The following CEP104 variants were observed in gnomAD, a reference collection of about 807,000 sequenced individuals.
CEP104 encodes centrosomal protein 104, also known as centrosomal protein of 104 kDa.
Under a neutral mutation model 113.3 loss-of-function variants are expected in CEP104, and 84 were observed. The observed-to-expected ratio is 0.74, with a 90% confidence interval of 0.62 to 0.89. CEP104 has a LOEUF of 0.89. CEP104 is among the 40% of genes least tolerant of loss of function. CEP104 has a pLI of 0.00. For missense variants in CEP104, 1,053 were observed against 1,156.6 expected (o/e 0.91, Z 1.30); for synonymous variants, 378 against 421.7 (o/e 0.90, Z 1.27).
intron 14 of CEP104, 39 bp downstream of exon 14, chr1:3,829,752 A>G (rs1644163277): frequency 6.3e-7 from 1 of 1,581,808 alleles, no homozygotes; most frequent in Non-Finnish European, 8.7e-7. Context: ...AACTTCTTCA[A>G]CACAGGATGA....
chr1:3,834,020 A>G lies in CEP104; in HGVS notation c.1501T>C (p.Leu501=), dbSNP rs1644264904. The part of the protein sequence containing the change: ...DIVTSVFQAS[L]KLLKMIITQY... ...GTAATGATCATTTTCAACAATTTCA[A>G]AGAAGCCTGAAAAACCTAAGAGAAA... is the stretch of plus-strand genomic sequence containing the variant. The change falls in exon 12 of 22, where the codon TTG becomes CTG. Residue 501 remains leucine (L), a synonymous_variant. Coordinates refer to ENST00000378230, the MANE Select transcript of CEP104 (RefSeq NM_014704.4). 6.2e-7 allele frequency: 1 copy of G among 1,613,410 alleles called. No homozygotes were observed. Among genetic ancestry groups the G allele is most frequent in the South Asian group, 1.1e-5 (1 of 91,070 alleles).
In CEP104 at chr1:3,814,436, A is replaced by C. The variant is rs1052594414; in HGVS notation, c.*966T>G. The C allele has an allele frequency of 1.3e-5, 2 of 152,244 alleles. No individual in the cohort carries two copies. Among genetic ancestry groups the C allele is most frequent in the African/African-American group, 4.8e-5 (2 of 41,452 alleles). 9.4% of individuals were successfully genotyped at this position (152,244 alleles called of 1,614,324 possible). ...ATTTTAAGCAATGTGTTGATGTTTTAAACATCCTATCAACTCTTTGAAGAA... is the reference window on the plus strand; with the variant it reads ...ATTTTAAGCAATGTGTTGATGTTTTCAACATCCTATCAACTCTTTGAAGAA... On this transcript the variant is annotated 3_prime_UTR_variant, in exon 22 of 22. Coordinates refer to ENST00000378230, the MANE Select transcript of CEP104 (RefSeq NM_014704.4).
intron 18 of CEP104, among the ~76,000 whole-genome samples, chr1:3,824,877 C>G (rs34659788): frequency 3.7e-3 from 383 of 104,606 alleles, no homozygotes; most frequent in Middle Eastern, 0.01. Flanking sequence ...GTGGGAAGGG[C>G]GGCAGTGGCA....
Position 3,848,726 on chromosome 1 carries a change from T to G in CEP104, c.169A>C (p.Arg57=). 6.2e-7 allele frequency: 1 copy of G among 1,613,712 alleles called. No homozygotes were observed. The highest frequency in any genetic ancestry group is 8.5e-7 in the Non-Finnish European group (1 of 1,179,886). Residue 57 remains arginine, a synonymous_variant, in exon 3 of 22, where the codon AGG becomes CGG. Transcript: ENST00000378230. ...VLQMVERCRI[R]KLQLLAHQYM... ...TGGTGAGCAAGTAACTGCAGTTTCC[T>G]TATTCGACATCTCTCCACCATTTGA...
At chr1:3,843,325 TAAAAAA>T in intron 6 of CEP104, 1 of 386,190 alleles carries the variant, frequency 2.6e-6, no homozygotes, top group South Asian at 5.0e-5. Context: ...CTTACACTGC[TAAAAAA>T]AAAAAAAAAG....
chr1:3,832,458 C>T (rs113774452), intron 12 of CEP104, among the ~76,000 whole-genome samples: 127 of 34,716 alleles, frequency 3.7e-3, no homozygotes, highest in Middle Eastern at 0.015. Flanking sequence ...AGGAGTGTAG[C>T]GTAGGTCGTG....
chr1:3,834,874 G>A (rs552116819), intron 11 of CEP104, 51 bp downstream of exon 11: 43 of 1,519,140 alleles, frequency 2.8e-5, no homozygotes, highest in East Asian at 4.9e-5. Flanking sequence ...GTGGTACGGC[G>A]CATGATCTCA....
chr1:3,842,375 C>A (rs558069149), intron 6 of CEP104, among the ~76,000 whole-genome samples: 8 of 152,310 alleles, frequency 5.3e-5, no homozygotes, highest in African/African-American at 1.7e-4. Context: ...CCACCGCGCC[C>A]GGCCTTGGTG....
chr1:3,849,837 A>G (rs1442451732), intron 2 of CEP104, among the ~76,000 whole-genome samples: 7 of 152,156 alleles, frequency 4.6e-5, no homozygotes, highest in Non-Finnish European at 7.4e-5. Context: ...CTTTATTAAA[A>G]AAAAAAAACT....
intron 20 of CEP104, among the ~76,000 whole-genome samples, chr1:3,818,434 G>C (rs1245079980): frequency 6.6e-6 from 1 of 152,188 alleles, no homozygotes; most frequent in African/African-American, 2.4e-5. Flanking sequence ...GCCATGTTGT[G>C]AGGACTCCAC....
chr1:3,839,264 C>CAAAG lies in CEP104; in HGVS notation c.736-149_736-146dup, dbSNP rs1011985356. 52 of 742,266 alleles carry CAAAG rather than the reference C, an allele frequency of 7.0e-5. No individual in the cohort carries two copies. The African/African-American group carries it at 8.7e-4, about 12-fold the overall frequency. The allele number at this position is 742,266 out of a possible 1,614,324, so 46.0% of individuals were successfully genotyped here. A position where few individuals can be genotyped will look rare whatever the true frequency, so the allele number is the denominator to read the frequency against. ...AATGGAAGGAATGGGCCACACTCAG[C>CAAAG]AAAGGTCTGGCTGCTGTTGCTGTAT... On this transcript the variant is annotated intron_variant, in intron 7 of 21. Transcript: ENST00000378230.
At chr1:3,836,919 T>C (rs1644325752) in intron 9 of CEP104, 1 of 536,940 alleles carries the variant, frequency 1.9e-6, no homozygotes, top group Non-Finnish European at 3.3e-6. Context: ...ACAGACCTAA[T>C]AAAAAAAAGC....
chr1:3,835,884 C>T (rs1331430143), intron 10 of CEP104, among the ~76,000 whole-genome samples: 1 of 151,148 alleles, frequency 6.6e-6, no homozygotes, highest in African/African-American at 2.4e-5. Context: ...AGGGCAGGCA[C>T]GGTGGCTAAT....
At chr1:3,826,157 G>A (rs1426474709) in intron 17 of CEP104, among the ~76,000 whole-genome samples, 2 of 152,204 alleles carry the variant, frequency 1.3e-5, no homozygotes, top group African/African-American at 2.4e-5. Context: ...ACTCAGCATC[G>A]TCAAGCAGAA....
chr1:3,840,597 G>T (rs1644394853), intron 6 of CEP104, among the ~76,000 whole-genome samples: 1 of 152,012 alleles, frequency 6.6e-6, no homozygotes, highest in South Asian at 2.1e-4. Flanking sequence ...GAGTGCAGTG[G>T]CATGATCTTG....
intron 3 of CEP104, 42 bp downstream of exon 3, chr1:3,848,566 A>T: frequency 6.9e-7 from 1 of 1,451,818 alleles, no homozygotes; most frequent in Middle Eastern, 1.8e-4. Context: ...AGGTAGAATT[A>T]GCCTAAAAGC....
rs1490474626 is a variant in CEP104, at chr1:3,823,030, C to G, written c.2571+144G>C. On this transcript the variant is annotated intron_variant, in intron 20 of 21. Coordinates refer to ENST00000378230, the MANE Select transcript of CEP104 (RefSeq NM_014704.4). The surrounding 1 kb of genome is among the most constrained non-coding windows in gnomAD (Gnocchi z 4.1). ...AAACGGAACGACTGCTCAGACAGGG[C>G]TCACTAGACGCTGTCCCCTCCCTGA... 5 of 712,608 alleles carry G rather than the reference C, an allele frequency of 7.0e-6. No homozygotes were observed. The African/African-American group carries it at 7.0e-5, about 10-fold the overall frequency. The allele number at this position is 712,608 out of a possible 1,614,324, so 44.1% of individuals were successfully genotyped here.
At chr1:3,856,694 G>C (rs978559669) in intron 1 of CEP104, among the ~76,000 whole-genome samples, 195 bp downstream of exon 1, 1 of 152,140 alleles carries the variant, frequency 6.6e-6, no homozygotes, top group South Asian at 2.1e-4. Context: ...CATACGGCAC[G>C]ACGGGGCCGC....
At chr1:3,844,360 C>A (rs1644467677) in intron 6 of CEP104, among the ~76,000 whole-genome samples, 1 of 152,126 alleles carries the variant, frequency 6.6e-6, no homozygotes, top group Non-Finnish European at 1.5e-5. Context: ...GTAATCCCAT[C>A]ACTTTGGGAG....
Sources: allele counts gnomAD v4.1 joint callset (sites outside exome capture counted in the v4.1 genomes callset), GRCh38; gene constraint gnomAD v4.1.1; non-coding constraint Gnocchi (gnomAD v3.1); transcripts MANE v1.5; gene names NCBI Gene and HGNC (gene_info 2026-07-23, HGNC 2026-07-21).